Variants in SAMD5 observed in about 807,000 individuals in gnomAD.
SAMD5 encodes the protein sterile alpha motif domain containing 5.
A neutral mutation model predicts 11.3 loss-of-function variants in SAMD5; 13 were observed. That is an observed-to-expected ratio of 1.15 (90% confidence interval 0.75 to 1.83). SAMD5 has a LOEUF of 1.83. Ranked by LOEUF, SAMD5 falls within the 40% of genes most tolerant of loss-of-function variation. The pLI, the probability that SAMD5 is intolerant of heterozygous loss-of-function variation, is 0.00. For synonymous variants in SAMD5, 129 were observed against 111.3 expected, an observed-to-expected ratio of 1.16 and a Z score of -1.00; for missense variants, 255 against 239.1, an observed-to-expected ratio of 1.07 and a Z score of -0.44.
At chr6:147,764,926 T>A in the SAMD5 span, among the ~76,000 whole-genome samples, 1 of 152,188 alleles carries the variant, frequency 6.6e-6, no homozygotes, top group Non-Finnish European at 1.5e-5. Flanking sequence ...TTTGATACCA[T>A]CTCACTGCTG....
chr6:147,919,808 A>C, the SAMD5 span, among the ~76,000 whole-genome samples: 1 of 152,336 alleles, frequency 6.6e-6, no homozygotes, highest in Non-Finnish European at 1.5e-5. Flanking sequence ...TAGCTGGAGA[A>C]AATTTAAGAG....
chr6:147,677,159 C>T (rs922325474), intron 1 of SAMD5, among the ~76,000 whole-genome samples: 3 of 152,088 alleles, frequency 2.0e-5, no homozygotes, highest in Non-Finnish European at 4.4e-5. Context: ...ATAGTCATGT[C>T]ATCAGCAAGG....
the SAMD5 span, among the ~76,000 whole-genome samples, chr6:147,753,621 G>A: frequency 6.6e-6 from 1 of 152,016 alleles, no homozygotes; most frequent in African/African-American, 2.4e-5. Context: ...ATGGACTAAA[G>A]TCACCCTGTT....
At chr6:147,573,287 C>G (rs1789165926), downstream of SAMD5, among the ~76,000 whole-genome samples, 1 of 151,242 alleles carries the variant, frequency 6.6e-6, no homozygotes, top group Non-Finnish European at 1.5e-5. Flanking sequence ...CACAGTTCCA[C>G]ATGGCTGGGA....
downstream of SAMD5, among the ~76,000 whole-genome samples, chr6:147,739,912 C>T (rs150384050): frequency 0.016 from 2,384 of 152,130 alleles, 25 homozygotes; most frequent in African/African-American, 0.026. Context: ...CTCTGCCTCC[C>T]GGGTTCAAGC....
the SAMD5 span, among the ~76,000 whole-genome samples, chr6:147,901,882 C>T: frequency 3.9e-5 from 6 of 152,170 alleles, no homozygotes; most frequent in Admixed American, 3.9e-4. Flanking sequence ...TGTTCCACTT[C>T]CTTAGTTTCC....
At chr6:147,778,314 C>T in the SAMD5 span, among the ~76,000 whole-genome samples, 1 of 152,166 alleles carries the variant, frequency 6.6e-6, no homozygotes, top group Non-Finnish European at 1.5e-5. Context: ...CATGGACATA[C>T]TGATGTATAT....
intron 1 of SAMD5, among the ~76,000 whole-genome samples, chr6:147,665,251 T>C (rs1342656621): frequency 6.6e-6 from 1 of 152,234 alleles, no homozygotes; most frequent in East Asian, 1.9e-4. Flanking sequence ...TCTTTCCTTT[T>C]CATATATATC....
At chr6:147,620,841 A>G (rs146450306) in intron 1 of SAMD5, among the ~76,000 whole-genome samples, 158 of 152,120 alleles carry the variant, frequency 1.0e-3, no homozygotes, top group African/African-American at 3.5e-3. Flanking sequence ...GTCAATTTGG[A>G]TGTTGGGACT....
the SAMD5 span, among the ~76,000 whole-genome samples, chr6:147,855,411 A>G: frequency 2.6e-5 from 4 of 152,182 alleles, no homozygotes; most frequent in Admixed American, 2.6e-4. Context: ...AAACTCTATG[A>G]CTTTCCAGAA....
chr6:147,831,978 GA>G, the SAMD5 span, among the ~76,000 whole-genome samples: 2 of 151,776 alleles, frequency 1.3e-5, no homozygotes, highest in Non-Finnish European at 1.5e-5. Flanking sequence ...CATTTTTCAA[GA>G]AGTTATTTTT....
chr6:147,720,297 T>C (rs1791528982), intron 1 of SAMD5, among the ~76,000 whole-genome samples: 1 of 151,924 alleles, frequency 6.6e-6, no homozygotes, highest in Non-Finnish European at 1.5e-5. Flanking sequence ...CCGTCTCTAC[T>C]GAAAAAATAC....
chr6:147,704,571 G>T (rs1234266112), intron 1 of SAMD5, among the ~76,000 whole-genome samples: 1 of 152,132 alleles, frequency 6.6e-6, no homozygotes. Context: ...AAAAAGGGCT[G>T]TGACAGGTAG....
intron 1 of SAMD5, among the ~76,000 whole-genome samples, chr6:147,523,456 A>G (rs1339179506): frequency 2.0e-5 from 3 of 152,198 alleles, no homozygotes; most frequent in Non-Finnish European, 4.4e-5. Flanking sequence ...GAGTTTGCAG[A>G]AATGAATGCA....
Position 147,567,288 on chromosome 6 carries a change from A to G in SAMD5, c.*2832A>G. On this transcript the variant is annotated 3_prime_UTR_variant, in exon 2 of 2. Transcript: ENST00000367474. ...AAAGGATAGTAGTTTCTCAACTGGG[A>G]GCATACGAGCAATTTCTCAGTTCAG... The G allele has an allele frequency of 1.0e-6, 1 of 985,344 alleles. No homozygotes were observed. The highest frequency in any genetic ancestry group is 1.2e-6 in the Non-Finnish European group (1 of 829,826). 61.0% of individuals were successfully genotyped at this position (985,344 alleles called of 1,614,324 possible). A position where few individuals can be genotyped will look rare whatever the true frequency, so the allele number is the denominator to read the frequency against.
intron 1 of SAMD5, among the ~76,000 whole-genome samples, chr6:147,616,063 TC>T (rs1472328760): frequency 1.4e-5 from 2 of 145,184 alleles, no homozygotes; most frequent in Non-Finnish European, 3.1e-5. Context: ...CTCAATGTCC[TC>T]ATCTGCAACT....
chr6:147,648,190 G>A lies in SAMD5; in HGVS notation c.163-89127G>A, dbSNP rs143804902. Reference sequence around the variant, plus strand: ...AAAGGAAGGAGATTTAATTGACTCCGTGTTCAGCATGGCGAGGGAGGCCTC... The same window carrying A: ...AAAGGAAGGAGATTTAATTGACTCCATGTTCAGCATGGCGAGGGAGGCCTC... On this transcript the variant is annotated intron_variant, in intron 1 of 1. Coordinates refer to the SAMD5 transcript ENST00000566741. 4.1e-3 allele frequency among the ~76,000 whole-genome samples: 623 copies of A among 152,280 alleles called. 3 individuals are homozygous for A. Among genetic ancestry groups the A allele is most frequent in the African/African-American group, 0.014 (580 of 41,562 alleles).
chr6:147,816,327 T>C, the SAMD5 span, among the ~76,000 whole-genome samples: 11 of 123,158 alleles, frequency 8.9e-5, no homozygotes, highest in East Asian at 4.5e-4. Context: ...TATATATATA[T>C]ACAGCAAATT....
chr6:147,627,024 G>T, intron 1 of SAMD5, among the ~76,000 whole-genome samples: 1 of 152,010 alleles, frequency 6.6e-6, no homozygotes, highest in Non-Finnish European at 1.5e-5. Flanking sequence ...CCATCCCTTT[G>T]CTAATGGCAT....
Sources: allele counts gnomAD v4.1 joint callset (sites outside exome capture counted in the v4.1 genomes callset), GRCh38; gene constraint gnomAD v4.1.1; transcripts MANE v1.5; gene names NCBI Gene and HGNC (gene_info 2026-07-23, HGNC 2026-07-21).